CFAP44: variants seen among roughly 807,000 people sequenced by gnomAD.
The protein encoded by CFAP44 is cilia- and flagella-associated protein 44.
CFAP44 carries 134 observed loss-of-function variants against 216.2 expected under a neutral mutation model. The observed-to-expected ratio is 0.62, with a 90% CI of 0.54 to 0.72. The LOEUF (loss-of-function observed/expected upper bound fraction) is 0.72, where lower values mean the gene tolerates loss of function less well. Ranked by LOEUF, CFAP44 falls within the 30% of genes least tolerant of loss-of-function variation. CFAP44 has a pLI of 0.00. For missense variants in CFAP44, 2,035 were observed against 2,182.1 expected, an observed-to-expected ratio of 0.93 and a Z score of 1.34; for synonymous variants, 700 against 727.6, an observed-to-expected ratio of 0.96 and a Z score of 0.61.
At chr3:113,412,432 C>T (rs889250623) in intron 6 of CFAP44, among the ~76,000 whole-genome samples, 1 of 151,252 alleles carries the variant, frequency 6.6e-6, no homozygotes, top group Non-Finnish European at 1.5e-5. Context: ...AAAAAAGATA[C>T]ATGTGCAGAA....
intron 3 of CFAP44, chr3:113,426,936 G>A (rs1934975046): frequency 4.7e-6 from 2 of 428,372 alleles, no homozygotes; most frequent in Non-Finnish European, 8.1e-6. Context: ...ATCTGTAGTG[G>A]AGCAGTTTTT....
At chr3:113,421,136 A>C (rs1448213424) in intron 4 of CFAP44, among the ~76,000 whole-genome samples, 4 of 152,224 alleles carry the variant, frequency 2.6e-5, no homozygotes, top group Non-Finnish European at 5.9e-5. Context: ...TAAGGAACTT[A>C]AAGAAATCAA....
At chr3:113,341,271 C>A (rs1950330758) in intron 24 of CFAP44, among the ~76,000 whole-genome samples, 1 of 152,202 alleles carries the variant, frequency 6.6e-6, no homozygotes, top group Non-Finnish European at 1.5e-5. Context: ...CGCTACCCAG[C>A]ACTTCCCTTC....
intron 28 of CFAP44, among the ~76,000 whole-genome samples, chr3:113,311,311 A>G (rs1950035603): frequency 1.3e-5 from 2 of 152,218 alleles, no homozygotes; most frequent in African/African-American, 4.8e-5. Flanking sequence ...CTCATCTTGA[A>G]TTGTACTCCA....
intron 34 of CFAP44, 24 bp downstream of exon 34, chr3:113,294,663 A>G (rs1416545029): frequency 1.9e-5 from 28 of 1,493,116 alleles, no homozygotes; most frequent in Non-Finnish European, 2.5e-5. Flanking sequence ...ATTCCGAAAA[A>G]GGGTCTGAAG....
chr3:113,341,237 G>T (rs1376738271), intron 24 of CFAP44, among the ~76,000 whole-genome samples: 1 of 152,176 alleles, frequency 6.6e-6, no homozygotes, highest in Non-Finnish European at 1.5e-5. Flanking sequence ...TGGGGATGGA[G>T]CCCCAGCCCG....
intron 6 of CFAP44, 87 bp downstream of exon 6, chr3:113,416,438 A>T: frequency 9.6e-7 from 1 of 1,037,718 alleles, no homozygotes. Context: ...TTCTCTGGAG[A>T]ACCTTGACTT....
rs558161067 is a variant in CFAP44, at chr3:113,342,536, A to T, written c.3263-618T>A. On this transcript the variant is annotated intron_variant, in intron 23 of 34. Transcript: ENST00000393845. ...TGATAAATGATGGTGGACCACTAAC[A>T]TGTTGGGAAAGAGTGTTTGTGAGAT... is the stretch of plus-strand genomic sequence containing the variant. Among the ~76,000 whole-genome samples the T allele has an allele frequency of 5.2e-4, 79 of 152,298 alleles. No individual in the cohort carries two copies. In the South Asian group the frequency reaches 0.016, roughly 32 times the overall value.
chr3:113,426,323 G>A, intron 3 of CFAP44, 46 bp from the exon 4 acceptor site: 1 of 1,586,796 alleles, frequency 6.3e-7, no homozygotes, highest in Non-Finnish European at 8.6e-7. Flanking sequence ...GTTTGGCTGT[G>A]TCCCCACCCA....
intron 28 of CFAP44, among the ~76,000 whole-genome samples, chr3:113,324,042 C>CA (rs200919084): frequency 0.13 from 9,291 of 71,614 alleles, 584 homozygotes; most frequent in African/African-American, 0.24. Context: ...GACTCCGTCT[C>CA]AAAAAAAAAA....
At position 113,410,410 on chromosome 3, in the gene CFAP44, G is replaced by T. The variant is rs1393614400; in HGVS notation, c.674-1088C>A. ...GAGAACATGCAGTGTTTGGTTTTTT[G>T]TCCTTGCAATAGTTTGCTCAGAATG... On this transcript the variant is annotated intron_variant, in intron 6 of 34. Transcript: ENST00000393845. Among the ~76,000 whole-genome samples the T allele has an allele frequency of 1.3e-5, 2 of 152,008 alleles. 1 individual carries two copies. Among genetic ancestry groups the T allele is most frequent in the African/African-American group, 4.8e-5 (2 of 41,364 alleles).
intron 33 of CFAP44, among the ~76,000 whole-genome samples, chr3:113,295,622 GTCA>G (rs970316139): frequency 1.3e-5 from 2 of 152,202 alleles, no homozygotes; most frequent in African/African-American, 4.8e-5. Flanking sequence ...AACTGGAGAA[GTCA>G]TCATGATTTT....
intron 15 of CFAP44, among the ~76,000 whole-genome samples, chr3:113,382,398 G>C (rs1025252141): frequency 6.6e-6 from 1 of 152,164 alleles, no homozygotes; most frequent in Non-Finnish European, 1.5e-5. Flanking sequence ...GGAATGATGA[G>C]ACTAGAAGTC....
intron 1 of CFAP44, among the ~76,000 whole-genome samples, chr3:113,436,721 T>A (rs1935248721): frequency 6.6e-6 from 1 of 152,198 alleles, no homozygotes; most frequent in South Asian, 2.1e-4. Flanking sequence ...GTTCCTGGGT[T>A]TTCCAACAAA....
At position 113,342,857 on chromosome 3, in the gene CFAP44, G is replaced by A. The variant is rs147011679; in HGVS notation, c.3263-939C>T. The stretch of plus-strand genomic sequence containing the variant: ...ATACATAAAAAAAAAAAAATTAGCC[G>A]GGTGTAATCCCAGTTACTCAGGAGG... On this transcript the variant is annotated intron_variant, in intron 23 of 34. Transcript: ENST00000393845. Among the ~76,000 whole-genome samples the A allele has an allele frequency of 1.9e-3, 290 of 151,570 alleles. 2 individuals are homozygous for A. The highest frequency in any genetic ancestry group is 5.9e-3 in the African/African-American group (246 of 41,386).
chr3:113,385,970 A>G, intron 15 of CFAP44, among the ~76,000 whole-genome samples: 1 of 144,508 alleles, frequency 6.9e-6, no homozygotes, highest in South Asian at 2.2e-4. Context: ...TTTTCGATCT[A>G]TATGTTTTAT....
intron 18 of CFAP44, among the ~76,000 whole-genome samples, chr3:113,368,690 C>T (rs1024442344): frequency 6.6e-6 from 1 of 151,472 alleles, no homozygotes; most frequent in African/African-American, 2.4e-5. Flanking sequence ...AATTAACAGG[C>T]AAAATAACCA....
intron 15 of CFAP44, among the ~76,000 whole-genome samples, chr3:113,385,806 T>A (rs1376385436): frequency 7.9e-6 from 1 of 125,906 alleles, no homozygotes; most frequent in African/African-American, 3.2e-5. Context: ...AAGCTAATTT[T>A]TGTATTTTTT....
intron 28 of CFAP44, among the ~76,000 whole-genome samples, chr3:113,318,756 G>A (rs139326759): frequency 8.1e-4 from 123 of 152,264 alleles, no homozygotes; most frequent in African/African-American, 2.8e-3. Flanking sequence ...AGCAAGAAGA[G>A]ACTGGGGGCC....
Sources: gnomAD v4.1 joint callset for allele counts (sites outside exome capture counted in the v4.1 genomes callset) on GRCh38, gnomAD v4.1.1 for gene constraint, MANE v1.5 for transcripts, NCBI Gene and HGNC (gene_info 2026-07-23, HGNC 2026-07-21) for gene names.